SCHIP1: variants seen among roughly 807,000 people sequenced by gnomAD.
SCHIP1 encodes the protein schwannomin interacting protein 1, also known as schwannomin-interacting protein 1.
SCHIP1 carries 8 observed loss-of-function variants against 29.7 expected under a neutral mutation model. That is an observed-to-expected ratio of 0.27 (90% CI 0.16 to 0.49). The LOEUF (loss-of-function observed/expected upper bound fraction) is 0.49, where lower values mean the gene tolerates loss of function less well. Ranked by LOEUF, SCHIP1 falls within the 20% of genes least tolerant of loss-of-function variation. SCHIP1 has a pLI of 0.99. For synonymous variants in SCHIP1, 76 were observed against 94.9 expected, an observed-to-expected ratio of 0.80 and a Z score of 1.16; for missense variants, 193 against 294.6, an observed-to-expected ratio of 0.66 and a Z score of 2.52.
chr3:159,798,689 C>T, the SCHIP1 span, among the ~76,000 whole-genome samples: 16 of 151,932 alleles, frequency 1.1e-4, no homozygotes, highest in Non-Finnish European at 1.6e-4. Flanking sequence ...ACCCAGGAGG[C>T]GGAGGTTGCA....
upstream of SCHIP1, chr3:159,839,755 C>T (rs1308565454): frequency 2.1e-6 from 1 of 478,154 alleles, no homozygotes; most frequent in African/African-American, 2.0e-5. Context: ...GTCCCTCTCC[C>T]TCTCCCTCGC....
chr3:159,339,596 C>T, the SCHIP1 span, among the ~76,000 whole-genome samples: 9 of 152,132 alleles, frequency 5.9e-5, no homozygotes, highest in African/African-American at 1.4e-4. Context: ...AAAAAGTTCC[C>T]TTGGGTAATA....
chr3:159,711,359 T>C, the SCHIP1 span, among the ~76,000 whole-genome samples: 2 of 24,586 alleles, frequency 8.1e-5, no homozygotes, highest in Admixed American at 5.4e-4. Flanking sequence ...AGACTCCGTC[T>C]CAAAAAAAAA....
At chr3:159,805,737 T>C in the SCHIP1 span, among the ~76,000 whole-genome samples, 5 of 151,636 alleles carry the variant, frequency 3.3e-5, no homozygotes, top group African/African-American at 9.7e-5. Context: ...TGTTCAGCTC[T>C]CCTTTCCTCT....
the SCHIP1 span, among the ~76,000 whole-genome samples, chr3:159,828,684 T>C: frequency 1.3e-5 from 2 of 152,006 alleles, no homozygotes; most frequent in Non-Finnish European, 2.9e-5. Context: ...CAGTACTCTA[T>C]TAACCTGGTT....
At chr3:159,824,127 T>C in the SCHIP1 span, among the ~76,000 whole-genome samples, 1 of 152,344 alleles carries the variant, frequency 6.6e-6, no homozygotes, top group East Asian at 1.9e-4. Context: ...ACATCATCTC[T>C]TTCAGAAAGA....
chr3:159,503,062 G>T, the SCHIP1 span, among the ~76,000 whole-genome samples: 1 of 152,178 alleles, frequency 6.6e-6, no homozygotes, highest in Admixed American at 6.5e-5. Flanking sequence ...CCTTTTCTGA[G>T]GAGCAGACTT....
chr3:159,425,459 T>C, the SCHIP1 span, among the ~76,000 whole-genome samples: 1 of 151,864 alleles, frequency 6.6e-6, no homozygotes, highest in East Asian at 1.9e-4. Context: ...CATTACATAA[T>C]GGTAAAGGGA....
the SCHIP1 span, among the ~76,000 whole-genome samples, chr3:159,600,895 T>C: frequency 1.3e-5 from 2 of 152,228 alleles, no homozygotes; most frequent in Non-Finnish European, 2.9e-5. Flanking sequence ...TCTGGGTGCA[T>C]GCAGTAGTAT....
chr3:159,395,968 G>A, the SCHIP1 span, among the ~76,000 whole-genome samples: 1 of 152,042 alleles, frequency 6.6e-6, no homozygotes, highest in East Asian at 1.9e-4. Context: ...TCTCTTTGTA[G>A]GTCACTCAGG....
At chr3:159,720,624 A>C in the SCHIP1 span, among the ~76,000 whole-genome samples, 1 of 151,624 alleles carries the variant, frequency 6.6e-6, no homozygotes, top group Non-Finnish European at 1.5e-5. Flanking sequence ...TTACTCTGCC[A>C]CCCAGGCTGG....
the SCHIP1 span, among the ~76,000 whole-genome samples, chr3:159,524,549 C>T: frequency 1.3e-5 from 2 of 152,212 alleles, no homozygotes; most frequent in Non-Finnish European, 2.9e-5. Flanking sequence ...CAAAGACCTG[C>T]AGCATTGTCC....
At chr3:159,778,147 G>A in the SCHIP1 span, among the ~76,000 whole-genome samples, 1 of 152,068 alleles carries the variant, frequency 6.6e-6, no homozygotes, top group East Asian at 1.9e-4. Flanking sequence ...GCGCCTGCCA[G>A]CACGCCCAGC....
chr3:159,685,459 C>G, the SCHIP1 span, among the ~76,000 whole-genome samples: 6 of 152,128 alleles, frequency 3.9e-5, no homozygotes, highest in Non-Finnish European at 8.8e-5. Context: ...AATCAACGAC[C>G]CAAAATTTAG....
At chr3:159,646,423 G>C in the SCHIP1 span, among the ~76,000 whole-genome samples, 1 of 152,090 alleles carries the variant, frequency 6.6e-6, no homozygotes, top group Non-Finnish European at 1.5e-5. Context: ...CCATTGGACT[G>C]ACAGACTTTC....
intron 2 of SCHIP1, among the ~76,000 whole-genome samples, chr3:159,880,734 A>G (rs1023334805): frequency 6.6e-6 from 1 of 152,162 alleles, no homozygotes; most frequent in Non-Finnish European, 1.5e-5. Context: ...CTGATCATCA[A>G]TGAATGAATG....
At chr3:159,619,439 G>A in the SCHIP1 span, among the ~76,000 whole-genome samples, 2 of 152,156 alleles carry the variant, frequency 1.3e-5, no homozygotes, top group African/African-American at 4.8e-5. Context: ...TGAAAACAGA[G>A]GGATTAACAG....
the SCHIP1 span, among the ~76,000 whole-genome samples, chr3:159,724,130 G>C: frequency 6.6e-6 from 1 of 152,112 alleles, no homozygotes; most frequent in Non-Finnish European, 1.5e-5. Flanking sequence ...ATTTCTGAGT[G>C]AAGTTTTAAT....
the SCHIP1 span, among the ~76,000 whole-genome samples, chr3:159,803,702 T>C: frequency 1.2e-4 from 18 of 152,230 alleles, no homozygotes; most frequent in Non-Finnish European, 4.4e-5. Flanking sequence ...TTCATTGGCA[T>C]GCACCCAGGG....
Sources: allele counts gnomAD v4.1 joint callset (sites outside exome capture counted in the v4.1 genomes callset), GRCh38; gene constraint gnomAD v4.1.1; transcripts MANE v1.5; gene names NCBI Gene and HGNC (gene_info 2026-07-23, HGNC 2026-07-21).